TAX1BP1: variants seen among roughly 807,000 people sequenced by gnomAD.
The protein encoded by TAX1BP1 is Tax1 binding protein 1, also known as tax1-binding protein 1.
In TAX1BP1, 62 loss-of-function variants were observed where a neutral mutation model predicts 97.7. That is an observed-to-expected ratio of 0.63 (90% CI 0.52 to 0.78). The LOEUF (loss-of-function observed/expected upper bound fraction) is 0.78. Ranked by LOEUF, TAX1BP1 falls within the 30% of genes least tolerant of loss-of-function variation. TAX1BP1 has a pLI of 0.00. For synonymous variants in TAX1BP1, 340 were observed against 304.2 expected (o/e 1.12, Z -1.23); for missense variants, 867 against 916.1 (o/e 0.95, Z 0.69).
chr7:27,796,314 T>C, intron 12 of TAX1BP1, 95 bp downstream of exon 12: 1 of 1,061,424 alleles, frequency 9.4e-7, no homozygotes. Flanking sequence ...TTTGAGTTTC[T>C]TTTCCATCTC....
chr7:27,785,174 A>G lies in TAX1BP1; in HGVS notation c.624A>G (p.Glu208=). ...TTGTCACTTCTCAGGGTCTTACTGA[A>G]GTAACACAAAGCTTAAAAATGGAAA... ...QLQAEQKGLT[E]VTQSLKMENE... is the part of the protein sequence containing the mutation. Residue 208 remains glutamate, a synonymous_variant, in exon 6 of 17, where the codon GAA becomes GAG. Coordinates refer to ENST00000396319, the MANE Select transcript of TAX1BP1 (RefSeq NM_006024.7). The G allele has an allele frequency of 6.2e-7, 1 of 1,608,992 alleles. No homozygotes were observed. Among genetic ancestry groups the G allele is most frequent in the East Asian group, 2.2e-5 (1 of 44,726 alleles).
intron 12 of TAX1BP1, among the ~76,000 whole-genome samples, chr7:27,799,499 A>G (rs1394499134): frequency 1.3e-5 from 2 of 152,158 alleles, no homozygotes; most frequent in African/African-American, 4.8e-5. Context: ...AAAGTAATAT[A>G]TACTTATTGT....
At chr7:27,760,141 AC>A (rs1157072400) in intron 3 of TAX1BP1, among the ~76,000 whole-genome samples, 1 of 151,978 alleles carries the variant, frequency 6.6e-6, no homozygotes, top group African/African-American at 2.4e-5. Context: ...AGTGTGAGCC[AC>A]CATGCCTGGC....
chr7:27,744,227 G>A (rs956221306), intron 1 of TAX1BP1, among the ~76,000 whole-genome samples: 3 of 152,294 alleles, frequency 2.0e-5, no homozygotes, highest in African/African-American at 4.8e-5. Context: ...CAGGGTTCAC[G>A]CCATTCTCCT....
rs375566844 is a variant in TAX1BP1, at chr7:27,828,812, G to A, written c.2353G>A (p.Val785Ile). The part of the protein sequence containing the change: ...RHVQTHFDQN[V>I]LNFD Reference sequence around the variant, plus strand: ...TGTGCAGACCCATTTTGATCAGAATGTTCTAAATTTTGACTAGTTACTTTT... The same window carrying A: ...TGTGCAGACCCATTTTGATCAGAATATTCTAAATTTTGACTAGTTACTTTT... Residue 785 changes from valine to isoleucine, a missense_variant, in exon 17 of 17, where the codon GTT becomes ATT. Around this residue, in one of 3 missense-constraint regions of TAX1BP1, gnomAD observed 34 missense variants for 33.2 expected, o/e 1.02. Coordinates refer to ENST00000396319, the MANE Select transcript of TAX1BP1 (RefSeq NM_006024.7). 196 of 1,515,762 alleles carry A rather than the reference G, an allele frequency of 1.3e-4. 2 individuals carry two copies. The East Asian group carries it at 1.8e-3, about 14-fold the overall frequency. 93.9% of individuals were successfully genotyped at this position (1,515,762 alleles called of 1,614,324 possible).
At chr7:27,740,327 C>T (rs1787525452) in intron 1 of TAX1BP1, 58 bp downstream of exon 1, 1 of 152,832 alleles carries the variant, frequency 6.5e-6, no homozygotes, top group Non-Finnish European at 1.5e-5. Context: ...CCAGCTGCAT[C>T]TCTTTTAGGG....
intron 13 of TAX1BP1, among the ~76,000 whole-genome samples, chr7:27,806,394 T>TA (rs150323838): frequency 1.3e-5 from 2 of 151,804 alleles, no homozygotes; most frequent in African/African-American, 4.8e-5. Flanking sequence ...TTTTTTTTTT[T>TA]AACATTAAAA....
At chr7:27,826,059 T>C (rs1349769705) in intron 15 of TAX1BP1, among the ~76,000 whole-genome samples, 2 of 152,210 alleles carry the variant, frequency 1.3e-5, no homozygotes, top group African/African-American at 4.8e-5. Flanking sequence ...CTGGGAGGCC[T>C]AAATCTGGGA....
chr7:27,794,299 A>G lies in TAX1BP1; in HGVS notation c.1411-24A>G, dbSNP rs748343628. 8 of 1,583,364 alleles carry G rather than the reference A, an allele frequency of 5.1e-6. No individual in the cohort carries two copies. In the South Asian group the frequency reaches 6.9e-5, roughly 14 times the overall value. Reference sequence around the variant, plus strand: ...TATAACTAATTCATTGACTCATTTAACAACTTATTAACATTTTGAATAGGC... The same window carrying G: ...TATAACTAATTCATTGACTCATTTAGCAACTTATTAACATTTTGAATAGGC... On this transcript the variant is annotated intron_variant, in intron 10 of 16. Transcript: ENST00000396319.
chr7:27,813,217 G>T (rs1161160696), intron 13 of TAX1BP1, among the ~76,000 whole-genome samples: 1 of 132,054 alleles, frequency 7.6e-6, no homozygotes, highest in African/African-American at 2.8e-5. Context: ...TGAGTGGCTT[G>T]ATCGTAGTTC....
chr7:27,801,907 A>G (rs2237344), intron 13 of TAX1BP1, among the ~76,000 whole-genome samples: 18,686 of 152,168 alleles, frequency 0.12, 1,219 homozygotes, highest in East Asian at 0.13. Flanking sequence ...ATTGCCTTAG[A>G]GTTGTGTCCA....
At chr7:27,762,118 A>G (rs1342118271) in intron 3 of TAX1BP1, among the ~76,000 whole-genome samples, 5 of 152,214 alleles carry the variant, frequency 3.3e-5, no homozygotes, top group Non-Finnish European at 7.3e-5. Context: ...TTGCATATAT[A>G]AAGAAATTTC....
intron 15 of TAX1BP1, among the ~76,000 whole-genome samples, chr7:27,824,549 CAAAAAAAAA>C (rs34757943): frequency 1.1e-5 from 1 of 91,632 alleles, no homozygotes; most frequent in African/African-American, 4.3e-5. Context: ...GACCTTGTCT[CAAAAAAAAA>C]AAAAAAAAAA....
chr7:27,801,271 A>G (rs1440276261), intron 13 of TAX1BP1, among the ~76,000 whole-genome samples: 1 of 150,940 alleles, frequency 6.6e-6, no homozygotes, highest in Non-Finnish European at 1.5e-5. Flanking sequence ...AAGACCAGGA[A>G]TTCTAAATGG....
At chr7:27,751,389 T>C (rs909165162) in intron 2 of TAX1BP1, among the ~76,000 whole-genome samples, 2 of 152,070 alleles carry the variant, frequency 1.3e-5, no homozygotes, top group Non-Finnish European at 2.9e-5. Context: ...TGTAATAAAA[T>C]TACAAATAAT....
chr7:27,813,352 TTTTTTTTTC>T (rs1257871203), intron 13 of TAX1BP1, among the ~76,000 whole-genome samples: 2 of 147,762 alleles, frequency 1.4e-5, no homozygotes, highest in African/African-American at 5.1e-5. Flanking sequence ...TTTCTTTTCT[TTTTTTTTTC>T]TTTTTTTTTC....
intron 16 of TAX1BP1, 97 bp downstream of exon 16, chr7:27,827,917 G>T: frequency 9.9e-7 from 1 of 1,010,690 alleles, no homozygotes; most frequent in Non-Finnish European, 1.5e-6. Context: ...CATGTGTAGG[G>T]CCTGGCCTAG....
chr7:27,794,141 G>A (rs1789825074), intron 10 of TAX1BP1, among the ~76,000 whole-genome samples, 182 bp from the exon 11 acceptor site: 2 of 152,130 alleles, frequency 1.3e-5, no homozygotes, highest in South Asian at 4.1e-4. Context: ...CAACATTTAG[G>A]TCAGTTAGCA....
intron 5 of TAX1BP1, 150 bp downstream of exon 5, chr7:27,769,984 CCTATTAACCT>C: frequency 1.6e-6 from 1 of 643,262 alleles, no homozygotes; most frequent in Non-Finnish European, 2.6e-6. Context: ...CAGGTCAGTT[CCTATTAACCT>C]TCTGCCACAG....
Sources: gnomAD v4.1 joint callset for allele counts (sites outside exome capture counted in the v4.1 genomes callset) on GRCh38, gnomAD v4.1.1 for gene constraint, gnomAD v4.1.1 regional missense constraint, MANE v1.5 for transcripts, NCBI Gene and HGNC (gene_info 2026-07-23, HGNC 2026-07-21) for gene names.